Variants in ST18 observed in about 807,000 individuals in gnomAD.
ST18 encodes suppression of tumorigenicity 18 protein.
ST18 carries 50 observed loss-of-function variants against 110.0 expected under a neutral mutation model. The observed-to-expected ratio is 0.45, with a 90% CI of 0.36 to 0.58. The LOEUF is 0.58. Ranked by LOEUF, ST18 falls within the 20% of genes least tolerant of loss-of-function variation. ST18 has a pLI of 0.00. For missense variants in ST18, 1,306 were observed against 1,280.1 expected (o/e 1.02, Z -0.31); for synonymous variants, 461 against 452.4 (o/e 1.02, Z -0.24).
intron 8 of ST18, among the ~76,000 whole-genome samples, chr8:52,208,370 C>T (rs2080879012): frequency 6.6e-6 from 1 of 152,104 alleles, no homozygotes; most frequent in Non-Finnish European, 1.5e-5. Flanking sequence ...TGTGCTGGAT[C>T]ACAACAAACC....
At chr8:52,314,678 C>A (rs2095989919) in intron 2 of ST18, among the ~76,000 whole-genome samples, 1 of 152,194 alleles carries the variant, frequency 6.6e-6, no homozygotes, top group Non-Finnish European at 1.5e-5. Context: ...CCCAACCAAC[C>A]ATGGCCTCCA....
intron 2 of ST18, among the ~76,000 whole-genome samples, chr8:52,303,852 T>C (rs1034175814): frequency 6.6e-6 from 1 of 152,224 alleles, no homozygotes; most frequent in African/African-American, 2.4e-5. Flanking sequence ...AATCGTTTTC[T>C]TGTAGACATT....
intron 15 of ST18, among the ~76,000 whole-genome samples, chr8:52,152,122 C>T (rs2058962395): frequency 6.6e-6 from 1 of 152,224 alleles, no homozygotes; most frequent in African/African-American, 2.4e-5. Flanking sequence ...CTGCTCTGAG[C>T]ACCTGACTTC....
At chr8:52,166,078 G>A (rs2062882353) in intron 11 of ST18, among the ~76,000 whole-genome samples, 1 of 152,184 alleles carries the variant, frequency 6.6e-6, no homozygotes, top group Non-Finnish European at 1.5e-5. Context: ...AGGAGGCCAG[G>A]AGGACCATGG....
chr8:52,274,424 G>C (rs2095172414), intron 2 of ST18, among the ~76,000 whole-genome samples: 1 of 149,840 alleles, frequency 6.7e-6, no homozygotes, highest in South Asian at 2.1e-4. Context: ...TCCTTTACCT[G>C]CAAACTTAGC....
At chr8:52,323,208 A>G (rs530197163) in intron 2 of ST18, among the ~76,000 whole-genome samples, 315 of 152,364 alleles carry the variant, frequency 2.1e-3, no homozygotes, top group African/African-American at 7.0e-3. Context: ...AAACCAGGAG[A>G]GGCCAAGAGG....
intron 2 of ST18, among the ~76,000 whole-genome samples, chr8:52,247,781 T>C (rs1464624594): frequency 1.3e-5 from 2 of 152,186 alleles, no homozygotes; most frequent in Non-Finnish European, 2.9e-5. Context: ...ACGATTTCTA[T>C]CACATGAAAG....
intron 25 of ST18, among the ~76,000 whole-genome samples, chr8:52,115,809 A>G (rs930867033): frequency 6.6e-6 from 1 of 152,020 alleles, no homozygotes; most frequent in Admixed American, 6.5e-5. Flanking sequence ...TTTTTATTTT[A>G]TATGAGGAGA....
At chr8:52,372,252 A>G (rs1035384205) in intron 2 of ST18, among the ~76,000 whole-genome samples, 1 of 152,204 alleles carries the variant, frequency 6.6e-6, no homozygotes, top group African/African-American at 2.4e-5. Context: ...TTAAAAATAG[A>G]AAAAAGCTTG....
intron 2 of ST18, among the ~76,000 whole-genome samples, chr8:52,382,378 A>G (rs928782758): frequency 7.9e-5 from 12 of 152,036 alleles, no homozygotes; most frequent in African/African-American, 2.9e-4. Context: ...AAAAAAAAAT[A>G]AGAAGCAAAA....
Position 52,225,103 on chromosome 8 carries a change from C to T in ST18, c.-418-3310G>A, listed in dbSNP as rs151138419. Among the ~76,000 whole-genome samples the T allele has an allele frequency of 2.2e-3, 342 of 152,334 alleles. 1 individual carries two copies. Among genetic ancestry groups the T allele is most frequent in the African/African-American group, 7.8e-3 (325 of 41,590 alleles). On this transcript the variant is annotated intron_variant, in intron 3 of 25. Coordinates refer to ENST00000689386, the MANE Select transcript of ST18 (RefSeq NM_001352837.2). ...ATTGTACTTACACTAGTAGGCATAA[C>T]AGTATTTGTATTTGTCCTTCCAGTC... is the stretch of plus-strand genomic sequence containing the variant.
chr8:52,321,394 A>G (rs1442381109), intron 2 of ST18, among the ~76,000 whole-genome samples: 1 of 152,262 alleles, frequency 6.6e-6, no homozygotes, highest in African/African-American at 2.4e-5. Flanking sequence ...TCAATGTGAA[A>G]TACTTTGACA....
intron 2 of ST18, among the ~76,000 whole-genome samples, chr8:52,282,950 A>T (rs1181673090): frequency 2.0e-5 from 3 of 152,102 alleles, no homozygotes; most frequent in Non-Finnish European, 4.4e-5. Flanking sequence ...TTAAAGAGGT[A>T]CTCTGGCTAC....
At chr8:52,269,039 C>G (rs906004183) in intron 2 of ST18, among the ~76,000 whole-genome samples, 1 of 152,202 alleles carries the variant, frequency 6.6e-6, no homozygotes, top group Non-Finnish European at 1.5e-5. Context: ...TGCATGGAGT[C>G]CAAACTGAAC....
At chr8:52,149,639 C>A in intron 16 of ST18, 93 bp downstream of exon 16, 3 of 1,475,242 alleles carry the variant, frequency 2.0e-6, no homozygotes, top group Non-Finnish European at 2.7e-6. Flanking sequence ...ATTATCTAAA[C>A]AGGAATGTGA....
intron 2 of ST18, among the ~76,000 whole-genome samples, chr8:52,340,451 A>G (rs1420063722): frequency 6.6e-6 from 1 of 152,324 alleles, no homozygotes; most frequent in South Asian, 2.1e-4. Context: ...GGAAACTCAG[A>G]GACAAGACGT....
Position 52,132,099 on chromosome 8 carries a change from A to G in ST18, c.2525T>C (p.Leu842Pro), listed in dbSNP as rs141007282. Residue 842 changes from leucine (L) to proline (P), a missense_variant, in exon 22 of 26, where the codon CTG becomes CCG. Leu to Pro is a moderately conservative substitution (Grantham distance 98). Coordinates refer to ENST00000689386, the MANE Select transcript of ST18 (RefSeq NM_001352837.2). Reference protein sequence around the residue: ...TSHRTASGCPLAAKRQKENPL... With the variant: ...TSHRTASGCPPAAKRQKENPL... ...ATTCTCCTTCTGTCTCTTGGCAGCCAGAGGACAGCCAGAAGCTGTGCGGTG... is the reference window on the plus strand; with the variant it reads ...ATTCTCCTTCTGTCTCTTGGCAGCCGGAGGACAGCCAGAAGCTGTGCGGTG... The G allele has an allele frequency of 6.2e-7, 1 of 1,614,204 alleles. No individual in the cohort carries two copies. The highest frequency in any genetic ancestry group is 8.5e-7 in the Non-Finnish European group (1 of 1,180,048).
Position 52,158,998 on chromosome 8 carries a change from T to C in ST18, c.1706A>G (p.Asp569Gly). 1 of 1,614,078 alleles carries C rather than the reference T, an allele frequency of 6.2e-7. No individual in the cohort carries two copies. The change falls in exon 15 of 26, where the codon GAC (aspartate) becomes GGC (glycine). Residue 569 changes from aspartate to glycine, a missense_variant. Physicochemically the swap from Asp to Gly is moderately conservative, Grantham distance 94. Coordinates refer to ENST00000689386, the MANE Select transcript of ST18 (RefSeq NM_001352837.2). ...GGCAGCAGCTGCTGCTATGTGGGTG[T>C]CTTCACTACATTGACCGTAGCTATA... ...SSYSYGQCSEDTHIAAAAAIL... is the reference protein window; with the variant it reads ...SSYSYGQCSEGTHIAAAAAIL...
At chr8:52,374,126 A>G (rs1831265939) in intron 2 of ST18, among the ~76,000 whole-genome samples, 1 of 152,156 alleles carries the variant, frequency 6.6e-6, no homozygotes, top group Admixed American at 6.5e-5. Flanking sequence ...TGCCACCAAA[A>G]TCCACGTCTA....
Sources: allele counts gnomAD v4.1 joint callset (sites outside exome capture counted in the v4.1 genomes callset), GRCh38; gene constraint gnomAD v4.1.1; transcripts MANE v1.5; gene names NCBI Gene and HGNC (gene_info 2026-07-23, HGNC 2026-07-21).